Variants in SMOC1 observed in about 807,000 individuals in gnomAD.
SMOC1 encodes the protein SPARC-related modular calcium-binding protein 1.
In SMOC1, 22 loss-of-function variants were observed where a neutral mutation model predicts 56.3. The observed-to-expected ratio is 0.39, with a 90% CI of 0.28 to 0.56. SMOC1 has a LOEUF of 0.56. Among genes scored for constraint, SMOC1 ranks in the 20% least tolerant of loss-of-function variants. The probability of loss-of-function intolerance (pLI) is 0.61; values close to 1 mark genes in which losing one functional copy is unlikely to be tolerated. For missense variants in SMOC1, 509 were observed against 565.4 expected, an observed-to-expected ratio of 0.90 and a Z score of 1.01; for synonymous variants, 193 against 215.0, an observed-to-expected ratio of 0.90 and a Z score of 0.89.
intron 6 of SMOC1, among the ~76,000 whole-genome samples, chr14:69,994,075 A>G (rs902488539): frequency 6.6e-6 from 1 of 152,126 alleles, no homozygotes; most frequent in Admixed American, 6.5e-5. Flanking sequence ...TCTCCCAGGG[A>G]AGCAGCTGAG....
At chr14:69,952,426 C>T (rs999954496) in intron 2 of SMOC1, 123 bp downstream of exon 2, 3 of 1,109,370 alleles carry the variant, frequency 2.7e-6, no homozygotes, top group South Asian at 2.7e-5. Context: ...TCCTATCTCT[C>T]CACCCCTTCC....
At chr14:69,931,683 G>A (rs1316930565) in intron 1 of SMOC1, among the ~76,000 whole-genome samples, 2 of 152,242 alleles carry the variant, frequency 1.3e-5, no homozygotes, top group African/African-American at 4.8e-5. Flanking sequence ...GACTATGGCA[G>A]TACCAGGTCT....
intron 1 of SMOC1, among the ~76,000 whole-genome samples, chr14:69,915,718 T>C (rs985495630): frequency 1.3e-5 from 2 of 152,204 alleles, no homozygotes; most frequent in Admixed American, 6.5e-5. Flanking sequence ...ATACAGGCAA[T>C]GTTCAGACCT....
intron 1 of SMOC1, among the ~76,000 whole-genome samples, chr14:69,892,875 A>C (rs1342956480): frequency 6.6e-6 from 1 of 152,200 alleles, no homozygotes; most frequent in South Asian, 2.1e-4. Context: ...TCAACATTCA[A>C]ATTTCCTTGA....
chr14:69,954,317 T>C (rs1485214318), intron 3 of SMOC1, among the ~76,000 whole-genome samples: 1 of 152,176 alleles, frequency 6.6e-6, no homozygotes, highest in Non-Finnish European at 1.5e-5. Flanking sequence ...TAGCTGGGAC[T>C]GTAGGCACAT....
rs3052655 is a variant in SMOC1 at position 69,956,448 on chromosome 14, C to CTTTT, written c.378+2931_378+2934dup. Among the ~76,000 whole-genome samples, 43 of 130,792 alleles carry CTTTT rather than the reference C, an allele frequency of 3.3e-4. 2 individuals are homozygous for CTTTT. Among genetic ancestry groups the CTTTT allele is most frequent in the African/African-American group, 1.0e-3 (36 of 35,260 alleles). The allele number at this position is 130,792 out of a possible 152,430, so 85.8% of individuals were successfully genotyped here. A position where few individuals can be genotyped will look rare whatever the true frequency, so the allele number is the denominator to read the frequency against. ...CTCCAACCTCCATCACTTAGCTGGG[C>CTTTT]TTTTTTTTTTTTTTTTTTCTCCTAA... On this transcript the variant is annotated intron_variant, in intron 3 of 11. Coordinates refer to ENST00000361956, the MANE Select transcript of SMOC1 (RefSeq NM_001034852.3).
chr14:70,023,072 G>A (rs1327136336), intron 10 of SMOC1, 131 bp from the exon 11 acceptor site: 64 of 1,389,470 alleles, frequency 4.6e-5, no homozygotes, highest in Middle Eastern at 2.5e-4. Context: ...AGGCTGAGCC[G>A]CTGTGGGTGG....
In SMOC1 at chr14:69,881,563, A is replaced by G. The variant is rs977969395; in HGVS notation, c.99+1786A>G. Among the ~76,000 whole-genome samples, 10 of 152,254 alleles carry G rather than the reference A, an allele frequency of 6.6e-5. 2 individuals are homozygous for G. The highest frequency in any genetic ancestry group is 2.0e-4 in the Admixed American group (3 of 15,296). On this transcript the variant is annotated intron_variant, in intron 1 of 11. Coordinates refer to ENST00000361956, the MANE Select transcript of SMOC1 (RefSeq NM_001034852.3). Reference sequence around the variant, plus strand: ...TTATTAATTTGATAGAAGTGATGGAACGTAAGCAGGAATTGTAAATAGGCT... The same window carrying G: ...TTATTAATTTGATAGAAGTGATGGAGCGTAAGCAGGAATTGTAAATAGGCT...
intron 3 of SMOC1, among the ~76,000 whole-genome samples, chr14:69,960,597 T>C (rs1175713430): frequency 6.6e-6 from 1 of 152,216 alleles, no homozygotes; most frequent in Non-Finnish European, 1.5e-5. Flanking sequence ...CCTTTTTTGT[T>C]ATATGCTCAA....
At chr14:69,951,381 A>G (rs995427024) in intron 1 of SMOC1, among the ~76,000 whole-genome samples, 1 of 152,202 alleles carries the variant, frequency 6.6e-6, no homozygotes, top group African/African-American at 2.4e-5. Flanking sequence ...TCTTTAATTT[A>G]CTATGCGTCT....
At chr14:69,965,988 G>C (rs141783817) in intron 3 of SMOC1, among the ~76,000 whole-genome samples, 1 of 152,226 alleles carries the variant, frequency 6.6e-6, no homozygotes, top group African/African-American at 2.4e-5. Flanking sequence ...AGAATAATAG[G>C]AACTCAGGTG....
chr14:69,932,070 C>T (rs76285249), intron 1 of SMOC1, among the ~76,000 whole-genome samples: 14,494 of 152,280 alleles, frequency 0.095, 755 homozygotes, highest in South Asian at 0.15. Flanking sequence ...TTCCTCAGAA[C>T]CCGAGCTGTT....
chr14:69,981,025 G>A (rs1431589375), intron 5 of SMOC1, among the ~76,000 whole-genome samples: 6 of 152,134 alleles, frequency 3.9e-5, no homozygotes, highest in Non-Finnish European at 1.5e-5. Flanking sequence ...GAGTCTGGTC[G>A]CCAGCCAGGA....
At chr14:69,897,111 C>A (rs1884119477) in intron 1 of SMOC1, among the ~76,000 whole-genome samples, 1 of 152,206 alleles carries the variant, frequency 6.6e-6, no homozygotes, top group Non-Finnish European at 1.5e-5. Context: ...TTCCATGGAA[C>A]TGGAGGGGCA....
In SMOC1 at chr14:69,879,771, C is replaced by A; in HGVS notation, c.93C>A (p.Gly31=). The A allele has an allele frequency of 6.3e-7, 1 of 1,588,656 alleles. No individual in the cohort carries two copies. The highest frequency in any genetic ancestry group is 1.1e-5 in the South Asian group (1 of 88,672). Residue 31 remains glycine (G), a synonymous_variant, in exon 1 of 12, where the codon GGC becomes GGA. Transcript: ENST00000361956. ...CTGCTCGCGGCCACCGCACCACAGG[C>A]CCCAGGGTAAGTGCGCCCCCAGCTT... ...LSPARGHRTT[G]PRFLISDRDP...
intron 1 of SMOC1, among the ~76,000 whole-genome samples, chr14:69,891,393 A>G (rs1883955372): frequency 6.6e-6 from 1 of 152,220 alleles, no homozygotes. Flanking sequence ...TTCATAAGAT[A>G]TTAAAATACA....
chr14:69,936,724 C>T (rs1297917068), intron 1 of SMOC1, among the ~76,000 whole-genome samples: 2 of 152,242 alleles, frequency 1.3e-5, no homozygotes, highest in Non-Finnish European at 2.9e-5. Flanking sequence ...GCCTCACTCT[C>T]ATCCCTTTAA....
chr14:69,905,179 A>T (rs1207265944), intron 1 of SMOC1, among the ~76,000 whole-genome samples: 1 of 152,168 alleles, frequency 6.6e-6, no homozygotes, highest in Non-Finnish European at 1.5e-5. Context: ...AACACATAGG[A>T]CATAGGGGCT....
chr14:69,936,045 A>T (rs560690359), intron 1 of SMOC1, among the ~76,000 whole-genome samples: 12 of 152,242 alleles, frequency 7.9e-5, no homozygotes, highest in African/African-American at 2.9e-4. Flanking sequence ...GTCCCTCCAC[A>T]TCCCTCCCCT....
Sources: allele counts gnomAD v4.1 joint callset (sites outside exome capture counted in the v4.1 genomes callset), GRCh38; gene constraint gnomAD v4.1.1; transcripts MANE v1.5; gene names NCBI Gene and HGNC (gene_info 2026-07-23, HGNC 2026-07-21).